The following AKAP19 variants were observed in gnomAD, a reference collection of about 807,000 sequenced individuals.
AKAP19 encodes the protein small A-kinase anchoring protein.
At chr2:190,180,800 C>G in the AKAP19 span, 2 of 985,298 alleles carry the variant, frequency 2.0e-6, no homozygotes, top group Non-Finnish European at 2.4e-6. The surrounding 1 kb of genome is among the most constrained non-coding windows in gnomAD (Gnocchi z 6.8). Flanking sequence ...GCGGCGGGCG[C>G]GGCGGCGACG....
the AKAP19 span, chr2:190,060,241 G>A: frequency 1.9e-6 from 3 of 1,613,020 alleles, no homozygotes; most frequent in Non-Finnish European, 2.5e-6. Flanking sequence ...TTCAGAGATC[G>A]GATTCCAGTA....
At chr2:190,052,704 G>A in the AKAP19 span, among the ~76,000 whole-genome samples, 1 of 152,246 alleles carries the variant, frequency 6.6e-6, no homozygotes, top group African/African-American at 2.4e-5. Context: ...TGTAGGAAAA[G>A]GTTTCTCAAT....
chr2:190,044,971 T>G, the AKAP19 span, among the ~76,000 whole-genome samples: 1 of 151,954 alleles, frequency 6.6e-6, no homozygotes, highest in Non-Finnish European at 1.5e-5. Flanking sequence ...CAGGTCACAT[T>G]TGGTAGAGCA....
At chr2:190,181,219 AG>A in the AKAP19 span, 2 of 915,954 alleles carry the variant, frequency 2.2e-6, no homozygotes, top group Non-Finnish European at 2.6e-6. Flanking sequence ...CATGAGTTAC[AG>A]GAGGCTTTAA....
chr2:189,998,955 A>T, the AKAP19 span, among the ~76,000 whole-genome samples: 1 of 151,492 alleles, frequency 6.6e-6, no homozygotes, highest in African/African-American at 2.4e-5. Context: ...TATTTTCAGT[A>T]GAGACAGGGT....
the AKAP19 span, among the ~76,000 whole-genome samples, chr2:190,154,608 C>A: frequency 6.6e-6 from 1 of 152,156 alleles, no homozygotes; most frequent in South Asian, 2.1e-4. Flanking sequence ...ATACTGTTAT[C>A]TTAATTGAGT....
the AKAP19 span, among the ~76,000 whole-genome samples, chr2:190,174,978 A>G: frequency 1.4e-5 from 2 of 143,744 alleles, no homozygotes; most frequent in African/African-American, 2.5e-5. Flanking sequence ...GGTGTTGGAA[A>G]TAAGCACATA....
chr2:190,053,389 G>A, the AKAP19 span, among the ~76,000 whole-genome samples: 1 of 152,032 alleles, frequency 6.6e-6, no homozygotes, highest in East Asian at 1.9e-4. Context: ...GTTTTGAATG[G>A]CAACCAAGAT....
the AKAP19 span, among the ~76,000 whole-genome samples, chr2:190,177,646 G>A: frequency 6.6e-6 from 1 of 152,214 alleles, no homozygotes; most frequent in East Asian, 1.9e-4. The surrounding 1 kb of genome is among the most constrained non-coding windows in gnomAD (Gnocchi z 4.6). Context: ...GCTCGTTTAA[G>A]TAGAGAAACC....
chr2:190,202,357 G>A, the AKAP19 span: 1 of 166,934 alleles, frequency 6.0e-6, no homozygotes, highest in Non-Finnish European at 1.5e-5. Context: ...TGACATATAT[G>A]AACTACAAGG....
chr2:189,924,886 A>G, the AKAP19 span, among the ~76,000 whole-genome samples: 1 of 151,060 alleles, frequency 6.6e-6, no homozygotes, highest in Non-Finnish European at 1.5e-5. Flanking sequence ...AGGGGAAAAA[A>G]TAAATAAATA....
At chr2:190,064,010 T>C in the AKAP19 span, among the ~76,000 whole-genome samples, 1 of 152,158 alleles carries the variant, frequency 6.6e-6, no homozygotes, top group Admixed American at 6.6e-5. Context: ...CCATTACTTT[T>C]TTTTTCCAAG....
At chr2:190,068,596 A>G in the AKAP19 span, among the ~76,000 whole-genome samples, 21 of 152,246 alleles carry the variant, frequency 1.4e-4, no homozygotes, top group South Asian at 4.4e-3. Context: ...CAGCTTCCCA[A>G]AGTGCTGGGA....
chr2:190,199,037 C>A, the AKAP19 span, among the ~76,000 whole-genome samples: 50,692 of 152,020 alleles, frequency 0.33, 9,393 homozygotes, highest in East Asian at 0.48. Context: ...ATTGTTTAGA[C>A]GTGGCACTAG....
the AKAP19 span, among the ~76,000 whole-genome samples, chr2:189,958,688 GA>G: frequency 4.8e-5 from 7 of 146,314 alleles, no homozygotes; most frequent in East Asian, 4.0e-4. Flanking sequence ...ATAAAGAACC[GA>G]AAAAAAAACC....
chr2:189,930,432 A>G, the AKAP19 span: 68 of 238,594 alleles, frequency 2.9e-4, no homozygotes, highest in Admixed American at 2.4e-3. Flanking sequence ...TAATCCCAGC[A>G]CTTTGGGAGG....
At chr2:190,107,411 G>C in the AKAP19 span, among the ~76,000 whole-genome samples, 1 of 151,668 alleles carries the variant, frequency 6.6e-6, no homozygotes, top group Non-Finnish European at 1.5e-5. Flanking sequence ...TTCAAGTTGT[G>C]ATTCCAGTAT....
chr2:190,051,333 G>A, the AKAP19 span, among the ~76,000 whole-genome samples: 1 of 152,130 alleles, frequency 6.6e-6, no homozygotes, highest in African/African-American at 2.4e-5. Context: ...ACACTAACCA[G>A]GTAATGTACT....
At chr2:190,115,296 T>TGC in the AKAP19 span, among the ~76,000 whole-genome samples, 1 of 9,154 alleles carries the variant, frequency 1.1e-4, no homozygotes, top group Non-Finnish European at 2.1e-4. Context: ...TATATATATA[T>TGC]ATATATTTTT....
Sources: allele counts gnomAD v4.1 joint callset (sites outside exome capture counted in the v4.1 genomes callset), GRCh38; gene constraint gnomAD v4.1.1; non-coding constraint Gnocchi (gnomAD v3.1); transcripts MANE v1.5; gene names NCBI Gene and HGNC (gene_info 2026-07-23, HGNC 2026-07-21).